Variants in MARCHF1 observed in about 807,000 individuals in gnomAD.
The protein encoded by MARCHF1 is E3 ubiquitin-protein ligase MARCHF1.
MARCHF1 carries 40 observed loss-of-function variants against 54.2 expected under a neutral mutation model. The ratio of observed to expected loss-of-function variants is 0.74; its 90% CI spans 0.57 to 0.96. The LOEUF (loss-of-function observed/expected upper bound fraction) is 0.96, where lower values mean the gene tolerates loss of function less well. MARCHF1 is among the 40% of genes least tolerant of loss of function. The pLI is 0.00. For missense variants in MARCHF1, 586 were observed against 656.5 expected, an observed-to-expected ratio of 0.89 and a Z score of 1.17; for synonymous variants, 236 against 236.3, an observed-to-expected ratio of 1.00 and a Z score of 0.01.
At chr4:164,043,345 C>T (rs1007712886) in intron 2 of MARCHF1, among the ~76,000 whole-genome samples, 1 of 152,196 alleles carries the variant, frequency 6.6e-6, no homozygotes, top group Non-Finnish European at 1.5e-5. Flanking sequence ...CTTATATGCA[C>T]TTGCAGGCCC....
intron 4 of MARCHF1, among the ~76,000 whole-genome samples, chr4:163,850,876 C>T (rs1054880636): frequency 6.6e-6 from 1 of 152,066 alleles, no homozygotes; most frequent in Non-Finnish European, 1.5e-5. Context: ...AAGGCAGATA[C>T]GTAGAGAAAC....
At chr4:164,307,653 G>A in intron 1 of MARCHF1, among the ~76,000 whole-genome samples, 1 of 152,182 alleles carries the variant, frequency 6.6e-6, no homozygotes, top group East Asian at 1.9e-4. Context: ...CAACAAAAAT[G>A]CTCCTCTTGT....
intron 1 of MARCHF1, among the ~76,000 whole-genome samples, chr4:164,348,537 C>A (rs1730182445): frequency 6.6e-6 from 1 of 152,044 alleles, no homozygotes; most frequent in Non-Finnish European, 1.5e-5. Context: ...ATGAAGAATC[C>A]AAATGGCAGA....
intron 9 of MARCHF1, chr4:163,530,031 A>G (rs747154053): frequency 2.6e-5 from 4 of 151,960 alleles, no homozygotes; most frequent in South Asian, 2.1e-4. Flanking sequence ...TTGAGAGTCT[A>G]TGATTTGACT....
intron 1 of MARCHF1, among the ~76,000 whole-genome samples, chr4:164,117,793 A>G (rs1282400634): frequency 6.6e-6 from 1 of 151,860 alleles, no homozygotes; most frequent in East Asian, 1.9e-4. Context: ...TCAGCTACTC[A>G]GGAGGCTGAG....
intron 1 of MARCHF1, among the ~76,000 whole-genome samples, chr4:164,280,100 G>C (rs1434458636): frequency 6.6e-6 from 1 of 151,656 alleles, no homozygotes; most frequent in Non-Finnish European, 1.5e-5. Context: ...CTGTTTTATA[G>C]AGGTTAAAAA....
At chr4:163,619,192 T>G (rs1741602348) in intron 5 of MARCHF1, among the ~76,000 whole-genome samples, 1 of 152,146 alleles carries the variant, frequency 6.6e-6, no homozygotes, top group African/African-American at 2.4e-5. Context: ...GAATGAAAAG[T>G]TATTGCAAGT....
intron 3 of MARCHF1, among the ~76,000 whole-genome samples, chr4:163,950,942 T>C (rs1455749680): frequency 2.0e-5 from 3 of 152,220 alleles, no homozygotes; most frequent in African/African-American, 7.2e-5. Flanking sequence ...CAAAGCAACT[T>C]AATAATTTAG....
intron 4 of MARCHF1, among the ~76,000 whole-genome samples, chr4:163,713,995 G>A (rs1745186361): frequency 6.6e-6 from 1 of 152,152 alleles, no homozygotes; most frequent in African/African-American, 2.4e-5. Flanking sequence ...CAATAAATTT[G>A]CAGTAAGATT....
At chr4:164,052,747 A>C (rs1754401092) in intron 2 of MARCHF1, among the ~76,000 whole-genome samples, 2 of 152,194 alleles carry the variant, frequency 1.3e-5, no homozygotes. Context: ...CTCATAAATG[A>C]TAAAGTAGTC....
intron 2 of MARCHF1, among the ~76,000 whole-genome samples, chr4:164,066,230 AAAG>A (rs143252653): frequency 0.019 from 2,854 of 152,314 alleles, 77 homozygotes; most frequent in African/African-American, 0.064. Flanking sequence ...ACACTTTTCA[AAAG>A]AAGACATATA....
chr4:163,529,700 T>C (rs1738279356), intron 9 of MARCHF1: 1 of 152,138 alleles, frequency 6.6e-6, no homozygotes, highest in Non-Finnish European at 1.5e-5. Flanking sequence ...TAGATGTCTA[T>C]ATTTTCTCTT....
At chr4:164,261,263 T>C (rs1049043320) in intron 1 of MARCHF1, among the ~76,000 whole-genome samples, 3 of 152,102 alleles carry the variant, frequency 2.0e-5, no homozygotes, top group Non-Finnish European at 4.4e-5. Flanking sequence ...TTTGTGGTAC[T>C]TTATTACAGG....
intron 4 of MARCHF1, among the ~76,000 whole-genome samples, chr4:163,769,837 T>C (rs1205972276): frequency 6.6e-6 from 1 of 152,146 alleles, no homozygotes. Context: ...AGGGAGTGAA[T>C]GTGTATACAA....
intron 1 of MARCHF1, among the ~76,000 whole-genome samples, chr4:164,157,686 G>A (rs538533548): frequency 5.3e-5 from 8 of 152,122 alleles, no homozygotes; most frequent in South Asian, 4.2e-4. Flanking sequence ...CCTTCATCCC[G>A]GTGTGGTGCT....
intron 8 of MARCHF1, among the ~76,000 whole-genome samples, chr4:163,566,240 G>A (rs75760015): frequency 0.047 from 7,169 of 152,222 alleles, 212 homozygotes; most frequent in South Asian, 0.14. Flanking sequence ...CGCATGCTGC[G>A]ACCCATTGGA....
chr4:163,610,178 A>C (rs1434028555), intron 7 of MARCHF1, among the ~76,000 whole-genome samples: 4 of 151,884 alleles, frequency 2.6e-5, no homozygotes, highest in African/African-American at 9.7e-5. Flanking sequence ...CTTTTCTTAC[A>C]TTCTTCCTGT....
chr4:163,676,174 T>C (rs190001325), intron 5 of MARCHF1, among the ~76,000 whole-genome samples: 1 of 110,064 alleles, frequency 9.1e-6, no homozygotes, highest in East Asian at 2.5e-4. Context: ...ACCCCATCTC[T>C]ACTAAAAATA....
intron 1 of MARCHF1, among the ~76,000 whole-genome samples, chr4:164,152,731 A>G (rs35489724): frequency 0.046 from 6,962 of 152,242 alleles, 219 homozygotes; most frequent in Middle Eastern, 0.15. Flanking sequence ...AAAGTCTGCT[A>G]TCTAAAAGCT....
Sources: allele counts gnomAD v4.1 joint callset (sites outside exome capture counted in the v4.1 genomes callset), GRCh38; gene constraint gnomAD v4.1.1; transcripts MANE v1.5; gene names NCBI Gene and HGNC (gene_info 2026-07-23, HGNC 2026-07-21).